RAVER2: variants seen among roughly 807,000 people sequenced by gnomAD.
The protein encoded by RAVER2 is ribonucleoprotein PTB-binding 2.
In RAVER2, 46 loss-of-function variants were observed where a neutral mutation model predicts 78.1. The ratio of observed to expected loss-of-function variants is 0.59; its 90% CI spans 0.46 to 0.75. The LOEUF (loss-of-function observed/expected upper bound fraction) is 0.75, where lower values mean the gene tolerates loss of function less well. RAVER2 is among the 30% of genes least tolerant of loss of function. The pLI is 0.00. For synonymous variants in RAVER2, 311 were observed against 313.3 expected (o/e 0.99, Z 0.08); for missense variants, 793 against 837.5 (o/e 0.95, Z 0.66).
At chr1:64,759,344 G>A (rs1380950594) in intron 1 of RAVER2, among the ~76,000 whole-genome samples, 1 of 140,298 alleles carries the variant, frequency 7.1e-6, no homozygotes, top group Non-Finnish European at 1.5e-5. Flanking sequence ...CTCAGCCTCT[G>A]GAGTAGCTGG....
chr1:64,819,276 G>A (rs1394139992), intron 11 of RAVER2, among the ~76,000 whole-genome samples: 3 of 152,020 alleles, frequency 2.0e-5, no homozygotes, highest in Admixed American at 6.6e-5. Context: ...TAATGAACAG[G>A]TATGGAATCT....
At chr1:64,758,362 A>T (rs568411078) in intron 1 of RAVER2, among the ~76,000 whole-genome samples, 2 of 152,270 alleles carry the variant, frequency 1.3e-5, no homozygotes, top group African/African-American at 4.8e-5. Context: ...TAAGGTTACT[A>T]ATCAGTTGAT....
chr1:64,814,745 A>C, exon 11 of RAVER2: 1 of 1,575,220 alleles, frequency 6.3e-7, no homozygotes. Flanking sequence ...TGGAATTGCA[A>C]GCAGCATTCT....
intron 2 of RAVER2, among the ~76,000 whole-genome samples, chr1:64,772,461 G>C (rs1390034831): frequency 1.3e-5 from 2 of 152,078 alleles, no homozygotes; most frequent in Non-Finnish European, 2.9e-5. Context: ...CATGATAGTT[G>C]GTGGAATTAG....
Position 64,766,597 on chromosome 1 carries a change from A to C in RAVER2, c.250-2059A>C, listed in dbSNP as rs1244512407. 2.6e-5 allele frequency among the ~76,000 whole-genome samples: 4 copies of C among 152,192 alleles called. No individual in the cohort carries two copies. The East Asian group carries it at 7.7e-4, about 29-fold the overall frequency. ...ATAACATTTCTAAGTTGCAAAATGCACCTTTGAATACTTAAGCTCTCTTAG... is the reference window on the plus strand; with the variant it reads ...ATAACATTTCTAAGTTGCAAAATGCCCCTTTGAATACTTAAGCTCTCTTAG... On this transcript the variant is annotated intron_variant, in intron 1 of 11. Transcript: ENST00000294428.
At chr1:64,762,655 A>G (rs1384314270) in intron 1 of RAVER2, among the ~76,000 whole-genome samples, 2 of 152,198 alleles carry the variant, frequency 1.3e-5, no homozygotes, top group Non-Finnish European at 2.9e-5. Flanking sequence ...TCAACAGATG[A>G]TGCTAGGGCA....
chr1:64,777,480 C>A, intron 2 of RAVER2, 143 bp from the exon 3 acceptor site: 1 of 645,740 alleles, frequency 1.5e-6, no homozygotes, highest in Non-Finnish European at 2.6e-6. Flanking sequence ...CAATGCATTG[C>A]ATATAGTAGG....
chr1:64,751,471 T>C (rs2100801235), intron 1 of RAVER2, among the ~76,000 whole-genome samples: 1 of 152,352 alleles, frequency 6.6e-6, no homozygotes, highest in Admixed American at 6.5e-5. Flanking sequence ...AAGTCAACTC[T>C]GATCAAAGGC....
At chr1:64,748,752 G>A (rs1055284439) in intron 1 of RAVER2, among the ~76,000 whole-genome samples, 1 of 152,172 alleles carries the variant, frequency 6.6e-6, no homozygotes, top group Non-Finnish European at 1.5e-5. Flanking sequence ...AGTTTGAAAA[G>A]CATGAAATGA....
chr1:64,779,586 A>C (rs901294549), intron 3 of RAVER2, among the ~76,000 whole-genome samples: 1 of 150,272 alleles, frequency 6.7e-6, no homozygotes, highest in Non-Finnish European at 1.5e-5. Flanking sequence ...CTATATTGCC[A>C]GGCTGCTCTC....
At chr1:64,803,057 A>G in exon 6 of RAVER2, 4 of 1,581,554 alleles carry the variant, frequency 2.5e-6, no homozygotes, top group Non-Finnish European at 3.5e-6. Context: ...AATAAAGCAC[A>G]TCAGGTACAT....
At chr1:64,821,931 G>A (rs1653898862) in intron 11 of RAVER2, among the ~76,000 whole-genome samples, 1 of 152,190 alleles carries the variant, frequency 6.6e-6, no homozygotes, top group Non-Finnish European at 1.5e-5. Flanking sequence ...ATAAGGAAGT[G>A]TAAACACTGG....
At chr1:64,795,981 A>G (rs190326756) in intron 5 of RAVER2, among the ~76,000 whole-genome samples, 6 of 151,990 alleles carry the variant, frequency 3.9e-5, no homozygotes, top group African/African-American at 1.2e-4. Flanking sequence ...TCTATTTCTA[A>G]TTGCCGAATT....
intron 4 of RAVER2, among the ~76,000 whole-genome samples, chr1:64,782,467 G>A (rs149498842): frequency 6.6e-6 from 1 of 152,340 alleles, no homozygotes; most frequent in East Asian, 1.9e-4. Context: ...ACATTTGAGT[G>A]TGACAACGAA....
At chr1:64,816,596 G>A (rs1427556751) in intron 11 of RAVER2, 3 of 152,168 alleles carry the variant, frequency 2.0e-5, no homozygotes, top group Non-Finnish European at 4.4e-5. Flanking sequence ...TAAGGGAAAG[G>A]AACCAAAAGT....
chr1:64,785,727 T>C (rs1039119446), intron 4 of RAVER2, among the ~76,000 whole-genome samples: 4 of 152,170 alleles, frequency 2.6e-5, no homozygotes, highest in South Asian at 2.1e-4. Flanking sequence ...TACTCACTTA[T>C]TCTCACCTCC....
In RAVER2 at chr1:64,745,205, G is replaced by A. The variant is rs979578099; in HGVS notation, c.33G>A (p.Glu11=). The stretch of plus-strand genomic sequence containing the variant: ...CGGCGGCGGGAGACGGCGGCGGCGA[G>A]GGGGGCGCGGGCCTGGGCAGCGCGG... Residue 11 remains glutamate (E), a synonymous_variant, in exon 1 of 12, where the codon GAG becomes GAA. Transcript: ENST00000294428. This position sits in a 1 kb window ranked among gnomAD's most constrained non-coding sequence, Gnocchi z 4.3. 2 of 1,045,442 alleles carry A rather than the reference G, an allele frequency of 1.9e-6. No individual in the cohort carries two copies. The highest frequency in any genetic ancestry group is 7.9e-5 in the East Asian group (1 of 12,682). The allele number at this position is 1,045,442 out of a possible 1,614,324, so 64.8% of individuals were successfully genotyped here.
intron 5 of RAVER2, among the ~76,000 whole-genome samples, chr1:64,802,364 C>T (rs189802543): frequency 6.6e-6 from 1 of 152,250 alleles, no homozygotes; most frequent in African/African-American, 2.4e-5. Flanking sequence ...ACATCTCTGA[C>T]ACCCCCCACC....
chr1:64,819,894 C>T (rs139820561), intron 11 of RAVER2, among the ~76,000 whole-genome samples: 6 of 152,160 alleles, frequency 3.9e-5, no homozygotes, highest in Non-Finnish European at 5.9e-5. Context: ...TAGATTGCCC[C>T]CACCAACACA....
Sources: gnomAD v4.1 joint callset for allele counts (sites outside exome capture counted in the v4.1 genomes callset) on GRCh38, gnomAD v4.1.1 for gene constraint, Gnocchi (gnomAD v3.1) non-coding constraint, MANE v1.5 for transcripts, NCBI Gene and HGNC (gene_info 2026-07-23, HGNC 2026-07-21) for gene names.